Variants in ORC3 observed in about 807,000 individuals in gnomAD.
ORC3 encodes homolog of latheo, Drosophila.
ORC3 carries 78 observed loss-of-function variants against 100.7 expected under a neutral mutation model. The observed-to-expected ratio is 0.77, with a 90% CI of 0.65 to 0.94. ORC3 has a LOEUF of 0.94. ORC3 is among the 40% of genes least tolerant of loss of function. The pLI is 0.00. For synonymous variants in ORC3, 295 were observed against 289.3 expected (o/e 1.02, Z -0.20); for missense variants, 789 against 823.9 (o/e 0.96, Z 0.52).
chr6:87,652,163 G>A (rs56400749), intron 13 of ORC3, among the ~76,000 whole-genome samples: 21,418 of 152,108 alleles, frequency 0.14, 1,806 homozygotes, highest in African/African-American at 0.23. Flanking sequence ...CTCCCAAAGT[G>A]CTGGGATTAC....
At chr6:87,654,292 G>A (rs1769497645) in intron 14 of ORC3, among the ~76,000 whole-genome samples, 1 of 152,232 alleles carries the variant, frequency 6.6e-6, no homozygotes, top group South Asian at 2.1e-4. Flanking sequence ...CATGGAAGAT[G>A]AAAGAGAATG....
At chr6:87,608,672 T>C (rs973002892) in intron 6 of ORC3, among the ~76,000 whole-genome samples, 2 of 152,194 alleles carry the variant, frequency 1.3e-5, no homozygotes, top group Non-Finnish European at 2.9e-5. Flanking sequence ...ATACCTAGTA[T>C]CCATTTCAGG....
At chr6:87,660,448 A>G (rs1474556748) in intron 16 of ORC3, among the ~76,000 whole-genome samples, 1 of 152,122 alleles carries the variant, frequency 6.6e-6, no homozygotes, top group African/African-American at 2.4e-5. Context: ...GGCCCTCTCC[A>G]TTTCTCTACA....
At chr6:87,658,923 G>C (rs1304264446) in intron 16 of ORC3, among the ~76,000 whole-genome samples, 1 of 143,300 alleles carries the variant, frequency 7.0e-6, no homozygotes, top group Non-Finnish European at 1.5e-5. Context: ...TTATGTAGCC[G>C]TGTAAAATCA....
intron 4 of ORC3, among the ~76,000 whole-genome samples, chr6:87,605,389 G>A (rs1778254621): frequency 6.6e-6 from 1 of 152,228 alleles, no homozygotes; most frequent in African/African-American, 2.4e-5. Context: ...AGTGGCTCAC[G>A]CCTGTAATCC....
chr6:87,619,139 G>GA (rs1395241822), intron 9 of ORC3, among the ~76,000 whole-genome samples: 2 of 152,130 alleles, frequency 1.3e-5, no homozygotes, highest in Non-Finnish European at 2.9e-5. Context: ...CTGAGCAGTA[G>GA]AAAAGGAGAC....
chr6:87,599,263 A>G (rs1362200786), intron 2 of ORC3, among the ~76,000 whole-genome samples: 1 of 151,982 alleles, frequency 6.6e-6, no homozygotes, highest in African/African-American at 2.4e-5. Context: ...TGCCACTTTC[A>G]TGTTATGCTA....
the ORC3 span, among the ~76,000 whole-genome samples, chr6:87,673,944 C>A: frequency 6.6e-6 from 1 of 152,154 alleles, no homozygotes; most frequent in South Asian, 2.1e-4. Context: ...ATTGCCTGGG[C>A]ACCTTGTGAA....
chr6:87,597,680 T>TATACACAC (rs68075116), intron 2 of ORC3, among the ~76,000 whole-genome samples: 6 of 138,526 alleles, frequency 4.3e-5, no homozygotes, highest in African/African-American at 1.8e-4. Context: ...TATATATATA[T>TATACACAC]ACACACACAC....
chr6:87,622,239 A>G (rs527372916), intron 11 of ORC3, among the ~76,000 whole-genome samples: 6 of 152,118 alleles, frequency 3.9e-5, no homozygotes, highest in Non-Finnish European at 7.4e-5. Flanking sequence ...ATTAAACACC[A>G]AGTTTCTCTT....
chr6:87,602,480 T>C (rs1361929691), intron 3 of ORC3, among the ~76,000 whole-genome samples: 3 of 152,088 alleles, frequency 2.0e-5, no homozygotes, highest in Non-Finnish European at 4.4e-5. Context: ...TTTTTTTTTT[T>C]TTGGCCAACA....
At chr6:87,669,017 C>A (rs954704061), downstream of ORC3, among the ~76,000 whole-genome samples, 1 of 151,942 alleles carries the variant, frequency 6.6e-6, no homozygotes, top group African/African-American at 2.4e-5. Context: ...ATTAGCTGGG[C>A]GTGGTGGCAC....
chr6:87,601,292 A>G (rs986077299), intron 2 of ORC3, among the ~76,000 whole-genome samples: 9 of 152,332 alleles, frequency 5.9e-5, no homozygotes, highest in African/African-American at 1.9e-4. Context: ...TGCCATAAAT[A>G]TGGTAAAAAT....
At chr6:87,603,776 T>G (rs889346948) in intron 4 of ORC3, among the ~76,000 whole-genome samples, 1 of 152,222 alleles carries the variant, frequency 6.6e-6, no homozygotes, top group Non-Finnish European at 1.5e-5. Flanking sequence ...TCCCCAACTT[T>G]TGGTCGGAAG....
At position 87,659,027 on chromosome 6, in the gene ORC3, G is replaced by C. The variant is rs567677555; in HGVS notation, c.1691+1009G>C. Reference sequence around the variant, plus strand: ...TTAATACCTAAAAAGTGGGGCGGGGGGGGGAGAACCTGTTATCATTGTTTA... The same window carrying C: ...TTAATACCTAAAAAGTGGGGCGGGGCGGGGAGAACCTGTTATCATTGTTTA... On this transcript the variant is annotated intron_variant, in intron 16 of 19. Coordinates refer to ENST00000392844, the MANE Select transcript of ORC3 (RefSeq NM_012381.4). Among the ~76,000 whole-genome samples the C allele has an allele frequency of 7.1e-5, 10 of 140,156 alleles. 1 individual carries two copies. The highest frequency in any genetic ancestry group is 4.2e-4 in the East Asian group (2 of 4,766). The allele number at this position is 140,156 out of a possible 152,430, so 91.9% of individuals were successfully genotyped here.
chr6:87,603,725 A>G (rs1052465842), intron 4 of ORC3, among the ~76,000 whole-genome samples, 197 bp downstream of exon 4: 5 of 152,184 alleles, frequency 3.3e-5, no homozygotes, highest in Non-Finnish European at 7.3e-5. Context: ...ACAGACGATC[A>G]TATGTTTGTA....
intron 15 of ORC3, 79 bp from the exon 16 acceptor site, chr6:87,657,842 T>C (rs2307383): frequency 0.036 from 27,138 of 745,346 alleles, 638 homozygotes; most frequent in Non-Finnish European, 0.047. Context: ...GGTGCTTCTA[T>C]AGAACTTACC....
intron 11 of ORC3, among the ~76,000 whole-genome samples, chr6:87,627,941 T>C (rs1241284046): frequency 2.0e-5 from 3 of 152,216 alleles, no homozygotes; most frequent in Admixed American, 2.0e-4. Flanking sequence ...AACAAATGAT[T>C]GATCTCAGTT....
intron 1 of ORC3, among the ~76,000 whole-genome samples, chr6:87,591,756 A>G (rs576821493): frequency 6.6e-6 from 1 of 152,066 alleles, no homozygotes; most frequent in African/African-American, 2.4e-5. Flanking sequence ...TTCTTGAGAC[A>G]GAGTCTTGCT....
Sources: gnomAD v4.1 joint callset for allele counts (sites outside exome capture counted in the v4.1 genomes callset) on GRCh38, gnomAD v4.1.1 for gene constraint, MANE v1.5 for transcripts, NCBI Gene and HGNC (gene_info 2026-07-23, HGNC 2026-07-21) for gene names.